Variants in NUP160 observed in about 807,000 individuals in gnomAD.
NUP160 encodes nuclear pore complex protein Nup160.
Under a neutral mutation model 196.9 loss-of-function variants are expected in NUP160, and 94 were observed. The observed-to-expected ratio is 0.48, with a 90% CI of 0.40 to 0.57. NUP160 has a LOEUF of 0.57. NUP160 is among the 20% of genes least tolerant of loss of function. The pLI, the probability that NUP160 is intolerant of heterozygous loss-of-function variation, is 0.00. For synonymous variants in NUP160, 605 were observed against 619.7 expected, an observed-to-expected ratio of 0.98 and a Z score of 0.35; for missense variants, 1,638 against 1,748.3, an observed-to-expected ratio of 0.94 and a Z score of 1.13.
chr11:47,782,309 T>A (rs1413159141), intron 34 of NUP160, among the ~76,000 whole-genome samples: 1,154 of 8,064 alleles, frequency 0.14, 290 homozygotes, highest in African/African-American at 0.4. Flanking sequence ...AAAAAATATA[T>A]ATATATATAT....
At chr11:47,832,630 CAT>C (rs1484720858) in intron 7 of NUP160, among the ~76,000 whole-genome samples, 17 of 152,344 alleles carry the variant, frequency 1.1e-4, no homozygotes, top group African/African-American at 4.1e-4. Flanking sequence ...CAGCAGCACT[CAT>C]AGCCTCGCCC....
intron 5 of NUP160, among the ~76,000 whole-genome samples, chr11:47,837,289 G>A (rs1180031191): frequency 6.6e-6 from 1 of 152,112 alleles, no homozygotes; most frequent in Non-Finnish European, 1.5e-5. Flanking sequence ...AACTGGATTT[G>A]GGTAAGTCGG....
intron 32 of NUP160, among the ~76,000 whole-genome samples, chr11:47,785,868 G>A (rs1006625593): frequency 2.0e-5 from 3 of 152,240 alleles, no homozygotes; most frequent in Admixed American, 6.5e-5. Context: ...AAAGTGCTAA[G>A]CTGTATAATA....
At chr11:47,824,596 C>T (rs1049937703) in intron 7 of NUP160, among the ~76,000 whole-genome samples, 5 of 151,544 alleles carry the variant, frequency 3.3e-5, no homozygotes, top group East Asian at 3.9e-4. Flanking sequence ...GGCAACAGAG[C>T]GACTCTATCT....
intron 17 of NUP160, among the ~76,000 whole-genome samples, chr11:47,810,157 A>ATT (rs771455820): frequency 2.0e-5 from 3 of 152,010 alleles, no homozygotes; most frequent in Non-Finnish European, 4.4e-5. Context: ...GGAAAGGTTC[A>ATT]TTTTTCAACT....
intron 32 of NUP160, among the ~76,000 whole-genome samples, chr11:47,785,615 ATTTG>A (rs1300914813): frequency 6.6e-6 from 1 of 152,206 alleles, no homozygotes; most frequent in Non-Finnish European, 1.5e-5. Context: ...AATGAACGTT[ATTTG>A]TTTGGCTATT....
At chr11:47,808,345 ATAAT>A (rs1355004338) in intron 18 of NUP160, 47 bp downstream of exon 18, 1 of 1,541,252 alleles carries the variant, frequency 6.5e-7, no homozygotes, top group Non-Finnish European at 8.9e-7. Flanking sequence ...AAGGGGAAAA[ATAAT>A]TAAACTCACA....
At chr11:47,800,504 T>C (rs2097673613) in intron 23 of NUP160, among the ~76,000 whole-genome samples, 1 of 151,746 alleles carries the variant, frequency 6.6e-6, no homozygotes, top group South Asian at 2.1e-4. Flanking sequence ...GTGATTCTCC[T>C]GTCTCAGGCT....
intron 7 of NUP160, among the ~76,000 whole-genome samples, chr11:47,822,872 A>T (rs931980255): frequency 4.6e-5 from 7 of 152,194 alleles, no homozygotes; most frequent in Non-Finnish European, 4.4e-5. Context: ...TTCCAGCTTC[A>T]TCCGTGTCCC....
chr11:47,821,588 G>T, intron 9 of NUP160, 136 bp downstream of exon 9: 1 of 644,692 alleles, frequency 1.6e-6, no homozygotes, highest in South Asian at 2.0e-5. Flanking sequence ...TCGAACTCCT[G>T]AGCTTAAGTG....
At chr11:47,820,551 ATATT>A (rs1225622506) in intron 9 of NUP160, among the ~76,000 whole-genome samples, 1 of 151,580 alleles carries the variant, frequency 6.6e-6, no homozygotes, top group Admixed American at 6.6e-5. Context: ...TTATTTATTT[ATATT>A]TATTTATTTA....
chr11:47,812,678 G>A (rs1465285907), intron 15 of NUP160, among the ~76,000 whole-genome samples: 1 of 152,142 alleles, frequency 6.6e-6, no homozygotes, highest in African/African-American at 2.4e-5. Context: ...AATTGTTAAA[G>A]CATATTTTAT....
intron 7 of NUP160, among the ~76,000 whole-genome samples, chr11:47,826,915 T>C (rs1482847043): frequency 1.3e-5 from 2 of 152,114 alleles, no homozygotes; most frequent in African/African-American, 2.4e-5. Context: ...ACTTTGTTGA[T>C]ATTTGCATCA....
chr11:47,826,782 C>T (rs1164851667), intron 7 of NUP160, among the ~76,000 whole-genome samples: 7 of 152,194 alleles, frequency 4.6e-5, no homozygotes, highest in East Asian at 3.9e-4. Context: ...AGGCTGGTCT[C>T]GAACTCCTGA....
At chr11:47,823,544 T>C (rs1307951892) in intron 7 of NUP160, among the ~76,000 whole-genome samples, 1 of 151,376 alleles carries the variant, frequency 6.6e-6, no homozygotes, top group Non-Finnish European at 1.5e-5. Flanking sequence ...TCCTTTTTTC[T>C]TTTTTTTTGA....
intron 17 of NUP160, among the ~76,000 whole-genome samples, chr11:47,808,839 A>G (rs886102485): frequency 1.3e-5 from 2 of 151,996 alleles, no homozygotes; most frequent in African/African-American, 4.8e-5. Flanking sequence ...AGTGGCTCAC[A>G]CCTGTAATCC....
chr11:47,787,769 G>A (rs761366055), intron 31 of NUP160, among the ~76,000 whole-genome samples: 3 of 152,018 alleles, frequency 2.0e-5, no homozygotes, highest in Non-Finnish European at 4.4e-5. Flanking sequence ...CCAGGCTGGA[G>A]TGCAGTGGCG....
chr11:47,815,648 A>T (rs747309789), exon 13 of NUP160: 1 of 1,578,824 alleles, frequency 6.3e-7, no homozygotes, highest in Non-Finnish European at 8.6e-7. Context: ...ACTTCCTTGA[A>T]GCTGGCAAAG....
rs758245265 is a variant in NUP160 at position 47,812,185 on chromosome 11, T to C, written c.2120A>G (p.Tyr707Cys). Residue 707 changes from tyrosine (Y) to cysteine (C), a missense_variant, in exon 17 of 36, where the codon TAT (tyrosine) becomes TGT (cysteine). Physicochemically the swap from Tyr to Cys is radical, Grantham distance 194. Coordinates refer to ENST00000378460, the Ensembl canonical transcript of NUP160. ...AATATACCCTGCTGTGTTACTACCA[T>C]AGAGCTGGGTAAGATTCATTCGAAT... 102 of 1,614,030 alleles carry C rather than the reference T, an allele frequency of 6.3e-5. No individual in the cohort carries two copies. The highest frequency in any genetic ancestry group is 8.2e-5 in the Non-Finnish European group (97 of 1,180,024).
Sources: gnomAD v4.1 joint callset for allele counts (sites outside exome capture counted in the v4.1 genomes callset) on GRCh38, gnomAD v4.1.1 for gene constraint, MANE v1.5 for transcripts, NCBI Gene and HGNC (gene_info 2026-07-23, HGNC 2026-07-21) for gene names.